GALNT13: variants seen among roughly 807,000 people sequenced by gnomAD.
GALNT13 encodes polypeptide N-acetylgalactosaminyltransferase 13.
A neutral mutation model predicts 64.2 loss-of-function variants in GALNT13; 28 were observed. The ratio of observed to expected loss-of-function variants is 0.44; its 90% CI spans 0.32 to 0.60. The LOEUF (loss-of-function observed/expected upper bound fraction) is 0.60. Among genes scored for constraint, GALNT13 ranks in the 20% least tolerant of loss-of-function variants. The pLI, the probability that GALNT13 is intolerant of heterozygous loss-of-function variation, is 0.05. For missense variants in GALNT13, 577 were observed against 669.8 expected (o/e 0.86, Z 1.53); for synonymous variants, 214 against 224.6 (o/e 0.95, Z 0.42).
At chr2:153,502,551 C>T in the GALNT13 span, among the ~76,000 whole-genome samples, 4 of 152,152 alleles carry the variant, frequency 2.6e-5, no homozygotes, top group Admixed American at 2.0e-4. Context: ...TATAAACTTG[C>T]GTGTGCAAGT....
At chr2:154,330,063 AT>A (rs374560873) in intron 9 of GALNT13, among the ~76,000 whole-genome samples, 12 of 152,270 alleles carry the variant, frequency 7.9e-5, no homozygotes, top group African/African-American at 2.9e-4. Flanking sequence ...TAGAAGTACT[AT>A]ACACACAAGG....
At chr2:154,300,393 G>C (rs948271166) in intron 8 of GALNT13, among the ~76,000 whole-genome samples, 2 of 151,946 alleles carry the variant, frequency 1.3e-5, no homozygotes, top group Admixed American at 6.6e-5. Flanking sequence ...GTGAGCCACC[G>C]CACCTGGCCA....
the GALNT13 span, among the ~76,000 whole-genome samples, chr2:153,279,815 G>A: frequency 1.3e-5 from 2 of 151,872 alleles, no homozygotes; most frequent in African/African-American, 4.8e-5. Flanking sequence ...TTAGCCTGTA[G>A]TGTTTTTATT....
chr2:153,793,163 G>A, the GALNT13 span, among the ~76,000 whole-genome samples: 19 of 151,714 alleles, frequency 1.3e-4, no homozygotes, highest in South Asian at 6.3e-4. Flanking sequence ...TAGTAGAGAC[G>A]GGGTTTCACC....
intron 9 of GALNT13, among the ~76,000 whole-genome samples, chr2:154,337,948 G>C (rs1222930558): frequency 6.6e-6 from 1 of 152,008 alleles, no homozygotes; most frequent in Admixed American, 6.6e-5. Context: ...AGCAAAATTA[G>C]TTCCTAGACT....
chr2:154,126,153 C>G (rs952037608), intron 3 of GALNT13, among the ~76,000 whole-genome samples: 2 of 152,152 alleles, frequency 1.3e-5, no homozygotes, highest in African/African-American at 4.8e-5. Flanking sequence ...CATCAATCTA[C>G]TTTTTCCCAA....
At chr2:153,759,807 C>T in the GALNT13 span, among the ~76,000 whole-genome samples, 34 of 151,816 alleles carry the variant, frequency 2.2e-4, no homozygotes, top group Admixed American at 5.3e-4. Context: ...GGCTTTGGTA[C>T]CAGGATGATT....
chr2:154,391,981 C>T (rs916527029), intron 9 of GALNT13, among the ~76,000 whole-genome samples: 2 of 151,804 alleles, frequency 1.3e-5, no homozygotes, highest in Non-Finnish European at 2.9e-5. Context: ...AGACTTGGAC[C>T]AAGTAAAGAA....
At position 154,164,165 on chromosome 2, in the gene GALNT13, A is replaced by G. The variant is rs534351171; in HGVS notation, c.311+23660A>G. On this transcript the variant is annotated intron_variant, in intron 4 of 12. Coordinates refer to ENST00000392825, the MANE Select transcript of GALNT13 (RefSeq NM_052917.4). ...CATAGAATTATTCTAATGTCCCAAC[A>G]TATGAGACAGGAAAAAATAGTTAAG... Among the ~76,000 whole-genome samples the G allele has an allele frequency of 1.4e-4, 22 of 152,258 alleles. No homozygotes were observed. In the South Asian group the frequency reaches 1.7e-3, roughly 11 times the overall value.
the GALNT13 span, among the ~76,000 whole-genome samples, chr2:153,825,247 A>T: frequency 6.6e-6 from 1 of 152,172 alleles, no homozygotes; most frequent in Non-Finnish European, 1.5e-5. Context: ...CATCCCTAAT[A>T]ATAAATAATT....
At chr2:153,299,174 A>T in the GALNT13 span, among the ~76,000 whole-genome samples, 1 of 152,246 alleles carries the variant, frequency 6.6e-6, no homozygotes, top group Non-Finnish European at 1.5e-5. Context: ...AGGATATGTC[A>T]TAGTACAAAG....
the GALNT13 span, among the ~76,000 whole-genome samples, chr2:153,101,581 C>T: frequency 6.6e-6 from 1 of 152,164 alleles, no homozygotes; most frequent in Non-Finnish European, 1.5e-5. Context: ...TTTTAGTCTA[C>T]AGGCATTTTG....
rs1213075084 is a variant in GALNT13, at chr2:154,453,438, G to C, written c.*2887G>C. The C allele has an allele frequency of 6.6e-6, 1 of 151,876 alleles. No homozygotes were observed. Among genetic ancestry groups the C allele is most frequent in the Non-Finnish European group, 1.5e-5 (1 of 68,112 alleles). The allele number at this position is 151,876 out of a possible 1,614,324, so 9.4% of individuals were successfully genotyped here. On this transcript the variant is annotated 3_prime_UTR_variant, in exon 13 of 13. Coordinates refer to ENST00000392825, the MANE Select transcript of GALNT13 (RefSeq NM_052917.4). ...TCTGCCTCTTACTTACCCTATTATG[G>C]CTCCCAAGAAAGTTCCTGCTTTAGT... is the stretch of plus-strand genomic sequence containing the variant.
At chr2:154,094,156 A>G (rs1385651384) in intron 3 of GALNT13, among the ~76,000 whole-genome samples, 1 of 151,894 alleles carries the variant, frequency 6.6e-6, no homozygotes, top group Non-Finnish European at 1.5e-5. Flanking sequence ...TTTAATACTC[A>G]GTGTAGTTGG....
the GALNT13 span, among the ~76,000 whole-genome samples, chr2:153,236,391 T>G: frequency 2.6e-5 from 4 of 152,122 alleles, no homozygotes; most frequent in African/African-American, 9.7e-5. Flanking sequence ...TCTAGGACTT[T>G]CATAGCTAGA....
intron 11 of GALNT13, chr2:154,437,443 C>T: frequency 1.2e-6 from 1 of 854,970 alleles, no homozygotes; most frequent in South Asian, 1.9e-5. Context: ...AAGACCCTGA[C>T]ATGACCTTTC....
chr2:153,201,994 T>G, the GALNT13 span, among the ~76,000 whole-genome samples: 6 of 114,926 alleles, frequency 5.2e-5, no homozygotes, highest in South Asian at 1.5e-3. Flanking sequence ...TTTTTTTTTT[T>G]TGAGACGGAG....
At chr2:153,810,110 G>A in the GALNT13 span, among the ~76,000 whole-genome samples, 7 of 152,080 alleles carry the variant, frequency 4.6e-5, no homozygotes, top group East Asian at 3.9e-4. Context: ...GCAGGCGCCC[G>A]CCACCACGCC....
At chr2:153,657,284 T>C in the GALNT13 span, among the ~76,000 whole-genome samples, 2 of 152,104 alleles carry the variant, frequency 1.3e-5, no homozygotes, top group East Asian at 1.9e-4. Flanking sequence ...ATTTTTTGAA[T>C]GGGAGAGTTA....
Sources: gnomAD v4.1 joint callset for allele counts (sites outside exome capture counted in the v4.1 genomes callset) on GRCh38, gnomAD v4.1.1 for gene constraint, MANE v1.5 for transcripts, NCBI Gene and HGNC (gene_info 2026-07-23, HGNC 2026-07-21) for gene names.